Variants in RIMS1 observed in about 807,000 individuals in gnomAD.
The protein encoded by RIMS1 is regulating synaptic membrane exocytosis protein 1.
Under a neutral mutation model 214.1 loss-of-function variants are expected in RIMS1, and 83 were observed. The ratio of observed to expected loss-of-function variants is 0.39; its 90% CI spans 0.32 to 0.47. The LOEUF is 0.47. Ranked by LOEUF, RIMS1 falls within the 20% of genes least tolerant of loss-of-function variation. RIMS1 has a pLI of 0.99. For synonymous variants in RIMS1, 793 were observed against 786.8 expected (o/e 1.01, Z -0.13); for missense variants, 2,050 against 2,161.8 (o/e 0.95, Z 1.03).
intron 4 of RIMS1, among the ~76,000 whole-genome samples, chr6:72,121,615 T>G (rs769260329): frequency 6.6e-6 from 1 of 151,898 alleles, no homozygotes; most frequent in Non-Finnish European, 1.5e-5. Context: ...CAATTTGACT[T>G]CCTCTTTTCC....
chr6:72,217,455 A>T (rs2056660772), intron 6 of RIMS1, among the ~76,000 whole-genome samples: 1 of 152,184 alleles, frequency 6.6e-6, no homozygotes, highest in African/African-American at 2.4e-5. Context: ...TGTTTATCTG[A>T]AGTACACATT....
At chr6:72,119,756 A>C (rs2037841249) in intron 4 of RIMS1, among the ~76,000 whole-genome samples, 1 of 151,682 alleles carries the variant, frequency 6.6e-6, no homozygotes, top group Admixed American at 6.6e-5. Context: ...TGCACCCATT[A>C]ACTCGTCATT....
intron 2 of RIMS1, among the ~76,000 whole-genome samples, chr6:72,006,714 G>T (rs966653736): frequency 6.6e-6 from 1 of 152,238 alleles, no homozygotes; most frequent in Admixed American, 6.5e-5. Context: ...TGCCCATGGA[G>T]CCTTGCTCAT....
chr6:72,154,347 G>A (rs1037515042), intron 4 of RIMS1, among the ~76,000 whole-genome samples: 3 of 140,444 alleles, frequency 2.1e-5, no homozygotes, highest in East Asian at 4.0e-4. Context: ...CATGGCATTA[G>A]TTATGCCTAG....
chr6:72,287,693 T>G (rs2092605064), intron 24 of RIMS1, among the ~76,000 whole-genome samples: 1 of 151,942 alleles, frequency 6.6e-6, no homozygotes, highest in African/African-American at 2.4e-5. Flanking sequence ...CCTCCTGGGT[T>G]CAAGTGATTC....
chr6:71,886,867 T>TCTGCTGCTG lies in RIMS1; in HGVS notation c.-146_-138dup, dbSNP rs755283556. 5.2e-4 allele frequency: 380 copies of TCTGCTGCTG among 732,698 alleles called. No homozygotes were observed. The highest frequency in any genetic ancestry group is 5.4e-4 in the Non-Finnish European group (238 of 439,900). 45.4% of individuals were successfully genotyped at this position (732,698 alleles called of 1,614,324 possible). ...AGACTGGGTTCTCGCTCTCCCCGGC[T>TCTGCTGCTG]CTGCTGCTGCTGCTGCTGCCGCCGC... On this transcript the variant is annotated 5_prime_UTR_variant, in exon 1 of 34. Transcript: ENST00000521978.
intron 2 of RIMS1, among the ~76,000 whole-genome samples, chr6:72,003,915 A>C (rs1806313754): frequency 6.7e-6 from 1 of 150,358 alleles, no homozygotes; most frequent in South Asian, 2.1e-4. Flanking sequence ...CATGTGCACA[A>C]TCTGCAGGTT....
At chr6:71,899,925 C>A (rs561178262) in intron 1 of RIMS1, among the ~76,000 whole-genome samples, 2 of 152,004 alleles carry the variant, frequency 1.3e-5, no homozygotes, top group African/African-American at 4.8e-5. Context: ...ATAGATTGGG[C>A]ACTACTCATG....
intron 7 of RIMS1, among the ~76,000 whole-genome samples, chr6:72,235,022 A>G (rs1252426163): frequency 6.6e-6 from 1 of 152,084 alleles, no homozygotes; most frequent in Non-Finnish European, 1.5e-5. Flanking sequence ...AATATTTTTC[A>G]ATAATGATTT....
intron 29 of RIMS1, among the ~76,000 whole-genome samples, chr6:72,352,614 G>T (rs1014459832): frequency 1.3e-5 from 2 of 152,232 alleles, no homozygotes; most frequent in Non-Finnish European, 2.9e-5. Context: ...CTCATGGCAG[G>T]CAGTCAACTC....
At chr6:71,906,568 GT>G (rs1181560369) in intron 1 of RIMS1, among the ~76,000 whole-genome samples, 1 of 152,086 alleles carries the variant, frequency 6.6e-6, no homozygotes, top group East Asian at 1.9e-4. Flanking sequence ...TAAAATGCAG[GT>G]AATAACTGAG....
At chr6:72,278,151 TAATCTATC>T (rs140263572) in intron 23 of RIMS1, among the ~76,000 whole-genome samples, 13,403 of 121,234 alleles carry the variant, frequency 0.11, 650 homozygotes, top group Non-Finnish European at 0.13. Flanking sequence ...GAATGGTTTT[TAATCTATC>T]TATCTATCTA....
intron 29 of RIMS1, among the ~76,000 whole-genome samples, chr6:72,380,820 C>G (rs1039205905): frequency 6.6e-6 from 1 of 152,102 alleles, no homozygotes; most frequent in African/African-American, 2.4e-5. Flanking sequence ...GCATAAGCCA[C>G]CATGCCTGGC....
At chr6:71,971,801 A>G (rs969180472) in intron 2 of RIMS1, among the ~76,000 whole-genome samples, 9 of 152,150 alleles carry the variant, frequency 5.9e-5, no homozygotes, top group Non-Finnish European at 1.3e-4. Flanking sequence ...AGCATGGGAA[A>G]GACCTGCCCT....
chr6:72,324,368 T>A (rs1344111122), intron 28 of RIMS1, among the ~76,000 whole-genome samples: 1 of 151,962 alleles, frequency 6.6e-6, no homozygotes, highest in African/African-American at 2.4e-5. Flanking sequence ...AACTTGAGGA[T>A]TTAAGTAAGT....
At chr6:72,095,716 G>A (rs2031370551) in intron 2 of RIMS1, among the ~76,000 whole-genome samples, 1 of 152,228 alleles carries the variant, frequency 6.6e-6, no homozygotes, top group Non-Finnish European at 1.5e-5. Context: ...AAACACTGCA[G>A]TACCTGGACC....
intron 11 of RIMS1, among the ~76,000 whole-genome samples, chr6:72,247,689 C>T (rs1243714571): frequency 6.6e-6 from 1 of 151,940 alleles, no homozygotes; most frequent in Non-Finnish European, 1.5e-5. Flanking sequence ...ATCCATTAGC[C>T]AAGATAATTA....
intron 11 of RIMS1, among the ~76,000 whole-genome samples, chr6:72,247,305 G>A (rs556573597): frequency 8.5e-5 from 13 of 152,188 alleles, no homozygotes; most frequent in African/African-American, 1.7e-4. Context: ...TGGGGAGGCC[G>A]AGGTGGGCGG....
chr6:72,002,498 CA>C (rs1805601086), intron 2 of RIMS1, among the ~76,000 whole-genome samples: 1 of 151,990 alleles, frequency 6.6e-6, no homozygotes, highest in Non-Finnish European at 1.5e-5. Context: ...AACAAAAGAC[CA>C]AAGATGCATG....
Sources: gnomAD v4.1 joint callset for allele counts (sites outside exome capture counted in the v4.1 genomes callset) on GRCh38, gnomAD v4.1.1 for gene constraint, MANE v1.5 for transcripts, NCBI Gene and HGNC (gene_info 2026-07-23, HGNC 2026-07-21) for gene names.